Variants in GRIP1 observed in about 807,000 individuals in gnomAD.
GRIP1 encodes the protein glutamate receptor interacting protein 1, also known as glutamate receptor-interacting protein 1.
GRIP1 carries 45 observed loss-of-function variants against 129.9 expected under a neutral mutation model. The ratio of observed to expected loss-of-function variants is 0.35; its 90% CI spans 0.27 to 0.44. GRIP1 has a LOEUF of 0.44. GRIP1 is among the 20% of genes least tolerant of loss of function. The pLI is 1.00. For missense variants in GRIP1, 1,196 were observed against 1,396.8 expected (o/e 0.86, Z 2.29); for synonymous variants, 530 against 520.8 (o/e 1.02, Z -0.24).
intron 7 of GRIP1, among the ~76,000 whole-genome samples, chr12:66,482,086 T>A (rs887167899): frequency 2.0e-5 from 3 of 152,174 alleles, no homozygotes; most frequent in Non-Finnish European, 4.4e-5. Flanking sequence ...ATCCCAGAAC[T>A]TAAAGTATAA....
chr12:66,793,326 C>T (rs2038599171), intron 1 of GRIP1, among the ~76,000 whole-genome samples: 1 of 152,156 alleles, frequency 6.6e-6, no homozygotes, highest in African/African-American at 2.4e-5. Context: ...AGGGATTATA[C>T]ACAAAGCTGA....
chr12:66,492,608 CATAAA>C (rs765158949), intron 7 of GRIP1, among the ~76,000 whole-genome samples: 18 of 152,056 alleles, frequency 1.2e-4, no homozygotes, highest in Admixed American at 6.6e-4. Flanking sequence ...ATTTATTAAT[CATAAA>C]ATAAATAAAA....
intron 6 of GRIP1, 149 bp from the exon 7 acceptor site, chr12:66,515,913 G>A (rs1041504073): frequency 1.4e-6 from 1 of 698,524 alleles, no homozygotes. Context: ...GACAGTAAGA[G>A]TATAAAGAAG....
intron 1 of GRIP1, among the ~76,000 whole-genome samples, chr12:66,874,396 A>AGAT (rs1441995491): frequency 5.3e-4 from 80 of 152,116 alleles, no homozygotes; most frequent in African/African-American, 1.8e-3. Context: ...GGCAGGTTTT[A>AGAT]GATTTTTTTT....
chr12:66,930,873 T>C (rs981621923), intron 1 of GRIP1, among the ~76,000 whole-genome samples: 3 of 152,208 alleles, frequency 2.0e-5, no homozygotes, highest in East Asian at 1.9e-4. Flanking sequence ...AGGGAGCAGA[T>C]TGAATCCCAG....
chr12:66,483,344 A>G (rs1419383005), intron 7 of GRIP1, among the ~76,000 whole-genome samples: 1 of 152,032 alleles, frequency 6.6e-6, no homozygotes, highest in East Asian at 1.9e-4. Flanking sequence ...TTTTTTTTCT[A>G]TTGAAATAAA....
intron 1 of GRIP1, among the ~76,000 whole-genome samples, chr12:66,898,773 T>C (rs2040795024): frequency 6.6e-6 from 1 of 152,236 alleles, no homozygotes; most frequent in Non-Finnish European, 1.5e-5. Flanking sequence ...TTGTGCCCAA[T>C]GTAGTGTGTT....
intron 1 of GRIP1, among the ~76,000 whole-genome samples, chr12:66,701,478 A>G (rs1016031492): frequency 3.9e-5 from 6 of 152,244 alleles, no homozygotes; most frequent in Non-Finnish European, 8.8e-5. Context: ...CTCCAGAGGC[A>G]ACTACTGTTA....
intron 5 of GRIP1, among the ~76,000 whole-genome samples, chr12:66,522,857 A>T (rs1433614153): frequency 6.6e-6 from 1 of 152,210 alleles, no homozygotes; most frequent in Non-Finnish European, 1.5e-5. Context: ...GCTGAAAGCC[A>T]AGGCTTGAGA....
chr12:67,068,407 G>A (rs116048787), intron 1 of GRIP1, among the ~76,000 whole-genome samples: 8 of 152,038 alleles, frequency 5.3e-5, no homozygotes, highest in Non-Finnish European at 1.0e-4. Flanking sequence ...GACTGCGCTG[G>A]GGCATAACTC....
intron 23 of GRIP1, among the ~76,000 whole-genome samples, chr12:66,362,593 G>A (rs1403120070): frequency 6.6e-6 from 1 of 151,868 alleles, no homozygotes; most frequent in Non-Finnish European, 1.5e-5. Flanking sequence ...CCATTTGTAA[G>A]TGAACATTCT....
intron 1 of GRIP1, among the ~76,000 whole-genome samples, chr12:66,658,828 G>C (rs542999057): frequency 6.6e-6 from 1 of 152,008 alleles, no homozygotes; most frequent in South Asian, 2.1e-4. Flanking sequence ...GGAGGCTGAG[G>C]GGGGAAGATT....
intron 1 of GRIP1, among the ~76,000 whole-genome samples, chr12:66,653,061 G>A (rs569863347): frequency 3.0e-4 from 46 of 152,280 alleles, no homozygotes; most frequent in Admixed American, 1.4e-3. Flanking sequence ...ACTAGATTTT[G>A]TCAGAAAAGT....
In GRIP1 at chr12:66,438,965, A is replaced by G. The variant is rs114843490; in HGVS notation, c.1687+5619T>C. On this transcript the variant is annotated intron_variant, in intron 13 of 24. Coordinates refer to ENST00000359742, the MANE Select transcript of GRIP1 (RefSeq NM_001366722.1). ...ACATACAATATAAGGTCAGAGTGTGAGAATGGCTAAGCAGAACCATAAATC... is the reference window on the plus strand; with the variant it reads ...ACATACAATATAAGGTCAGAGTGTGGGAATGGCTAAGCAGAACCATAAATC... Among the ~76,000 whole-genome samples the G allele has an allele frequency of 4.8e-3, 737 of 152,318 alleles. 9 individuals are homozygous for G. Among genetic ancestry groups the G allele is most frequent in the African/African-American group, 0.017 (709 of 41,562 alleles).
In GRIP1 at chr12:66,347,930, A is replaced by AGTT. The variant is rs2054049817; in HGVS notation, c.*1086_*1088dup. 1 of 152,188 alleles carries AGTT rather than the reference A, an allele frequency of 6.6e-6. No homozygotes were observed. Among genetic ancestry groups the AGTT allele is most frequent in the African/African-American group, 2.4e-5 (1 of 41,440 alleles). 9.4% of individuals were successfully genotyped at this position (152,188 alleles called of 1,614,324 possible). Reference sequence around the variant, plus strand: ...TTTTTTATGTTCACCAAATAATAACAGTTATTAGTGTAGCTATTCAAAATA... The same window carrying AGTT: ...TTTTTTATGTTCACCAAATAATAACAGTTGTTATTAGTGTAGCTATTCAAAATA... On this transcript the variant is annotated 3_prime_UTR_variant, in exon 25 of 25. Coordinates refer to ENST00000359742, the MANE Select transcript of GRIP1 (RefSeq NM_001366722.1).
At chr12:66,892,310 T>C (rs1390647835) in intron 1 of GRIP1, among the ~76,000 whole-genome samples, 2 of 152,174 alleles carry the variant, frequency 1.3e-5, no homozygotes, top group Admixed American at 1.3e-4. Context: ...AGCCTCCTAA[T>C]TGGTCTCCCT....
rs189857867 is a variant in GRIP1 at position 66,632,561 on chromosome 12, T to C, written c.56-35634A>G. On this transcript the variant is annotated intron_variant, in intron 1 of 24. Coordinates refer to ENST00000359742, the MANE Select transcript of GRIP1 (RefSeq NM_001366722.1). The stretch of plus-strand genomic sequence containing the variant: ...TTTTTCCAGTGAGAACCAAATTCCA[T>C]TCTAATGAACACTTTCCTTATCGAT... 2.8e-4 allele frequency among the ~76,000 whole-genome samples: 43 copies of C among 152,328 alleles called. 2 individuals carry two copies. Among genetic ancestry groups the C allele is most frequent in the Admixed American group, 2.3e-3 (35 of 15,300 alleles).
At chr12:66,485,809 A>G (rs547521913) in intron 7 of GRIP1, among the ~76,000 whole-genome samples, 10 of 150,116 alleles carry the variant, frequency 6.7e-5, no homozygotes, top group Admixed American at 5.2e-4. Context: ...TGAAAGGGCT[A>G]CTTTTTTTCT....
chr12:66,817,733 T>C (rs2039249223), intron 1 of GRIP1, among the ~76,000 whole-genome samples: 1 of 152,182 alleles, frequency 6.6e-6, no homozygotes, highest in Non-Finnish European at 1.5e-5. Flanking sequence ...AAAATATGTT[T>C]ATTACTAATT....
Sources: gnomAD v4.1 joint callset for allele counts (sites outside exome capture counted in the v4.1 genomes callset) on GRCh38, gnomAD v4.1.1 for gene constraint, MANE v1.5 for transcripts, NCBI Gene and HGNC (gene_info 2026-07-23, HGNC 2026-07-21) for gene names.